TMOD3: variants seen among roughly 807,000 people sequenced by gnomAD.
TMOD3 encodes tropomodulin 3, also known as tropomodulin-3.
A neutral mutation model predicts 39.2 loss-of-function variants in TMOD3; 20 were observed. The observed-to-expected ratio is 0.51, with a 90% CI of 0.36 to 0.74. The LOEUF (loss-of-function observed/expected upper bound fraction) is 0.74, where lower values mean the gene tolerates loss of function less well. Among genes scored for constraint, TMOD3 ranks in the 30% least tolerant of loss-of-function variants. The pLI, the probability that TMOD3 is intolerant of heterozygous loss-of-function variation, is 0.00. For missense variants in TMOD3, 381 were observed against 412.8 expected, an observed-to-expected ratio of 0.92 and a Z score of 0.67; for synonymous variants, 143 against 145.8, an observed-to-expected ratio of 0.98 and a Z score of 0.14.
At chr15:51,882,677 G>A (rs992595021) in intron 3 of TMOD3, among the ~76,000 whole-genome samples, 5 of 152,150 alleles carry the variant, frequency 3.3e-5, no homozygotes, top group African/African-American at 1.2e-4. Context: ...TGATCTAAAT[G>A]TCTTTCTAGT....
At chr15:51,895,377 A>G (rs1287443498) in intron 6 of TMOD3, among the ~76,000 whole-genome samples, 2 of 151,594 alleles carry the variant, frequency 1.3e-5, no homozygotes, top group African/African-American at 4.8e-5. Context: ...CCACCACCAC[A>G]CCTGGCTAAT....
At chr15:51,907,849 A>G (rs1377664640) in intron 9 of TMOD3, among the ~76,000 whole-genome samples, 3 of 152,224 alleles carry the variant, frequency 2.0e-5, no homozygotes, top group African/African-American at 7.2e-5. Flanking sequence ...TCACCAGTCC[A>G]GGAAGAGGCT....
At chr15:51,895,548 G>C (rs543690951) in intron 6 of TMOD3, among the ~76,000 whole-genome samples, 1 of 152,074 alleles carries the variant, frequency 6.6e-6, no homozygotes, top group South Asian at 2.1e-4. Flanking sequence ...TTTGGTCCCT[G>C]TGTATCCCTT....
At chr15:51,887,854 T>G in intron 4 of TMOD3, 143 bp downstream of exon 4, 1 of 1,009,894 alleles carries the variant, frequency 9.9e-7, no homozygotes, top group Non-Finnish European at 1.4e-6. Context: ...CTTTATATTT[T>G]ACACGGTAAA....
At position 51,872,099 on chromosome 15, in the gene TMOD3, C is replaced by T. The variant is rs890587807; in HGVS notation, c.283+2726C>T. Reference sequence around the variant, plus strand: ...CACCATGTAATTACCATTCAGGTAACGATAACATCAGCAGCCGGACGCGGT... The same window carrying T: ...CACCATGTAATTACCATTCAGGTAATGATAACATCAGCAGCCGGACGCGGT... On this transcript the variant is annotated intron_variant, in intron 3 of 9. Coordinates refer to ENST00000308580, the MANE Select transcript of TMOD3 (RefSeq NM_014547.5). Among the ~76,000 whole-genome samples, 4 of 152,084 alleles carry T rather than the reference C, an allele frequency of 2.6e-5. No individual in the cohort carries two copies. The South Asian group carries it at 8.3e-4, about 32-fold the overall frequency.
intron 9 of TMOD3, chr15:51,907,223 A>G (rs2056686430): frequency 6.6e-6 from 1 of 152,172 alleles, no homozygotes; most frequent in African/African-American, 2.4e-5. Context: ...CAGCACATAC[A>G]CTAAAATTGG....
At chr15:51,830,033 G>A (rs1181136769) in intron 1 of TMOD3, among the ~76,000 whole-genome samples, 197 bp downstream of exon 1, 2 of 152,136 alleles carry the variant, frequency 1.3e-5, no homozygotes, top group Non-Finnish European at 2.9e-5. Flanking sequence ...GGGGGACGTG[G>A]GGCGCGCTGG....
rs773115910 is a variant in TMOD3, at chr15:51,900,266, G to A, written c.847G>A (p.Glu283Lys). 3.7e-6 allele frequency: 6 copies of A among 1,614,176 alleles called. No homozygotes were observed. The South Asian group carries it at 5.5e-5, about 15-fold the overall frequency. Residue 283 changes from glutamate to lysine, a missense_variant, in exon 8 of 10, where the codon GAA becomes AAA. Transcript: ENST00000308580. ...LALIDALRDN[E>K]TLAELKIDNQ... ...ACTGATTGATGCGTTAAGAGATAAT[G>A]AAACCCTGGCAGAGCTCAAGATTGA... is the stretch of plus-strand genomic sequence containing the variant.
chr15:51,834,052 A>G (rs1172581900), intron 1 of TMOD3, among the ~76,000 whole-genome samples: 4 of 152,154 alleles, frequency 2.6e-5, no homozygotes, highest in African/African-American at 9.7e-5. Flanking sequence ...TGAGTGCTTT[A>G]TCATATGTTA....
intron 3 of TMOD3, among the ~76,000 whole-genome samples, chr15:51,870,209 G>A (rs547637426): frequency 2.6e-5 from 4 of 152,236 alleles, no homozygotes; most frequent in Admixed American, 6.5e-5. Flanking sequence ...AAAGTGCTGG[G>A]ATTACAGGCA....
chr15:51,893,835 A>G lies in TMOD3; in HGVS notation c.517A>G (p.Ile173Val). 3 of 1,606,304 alleles carry G rather than the reference A, an allele frequency of 1.9e-6. No individual in the cohort carries two copies. Among genetic ancestry groups the G allele is most frequent in the Non-Finnish European group, 2.6e-6 (3 of 1,175,172 alleles). ...TGCAGATGTGGTCAAAGGTGAAAAG[A>G]TTCTTCCGGTATTTGATGAGCCACC... ...HFSNVVKGEK[I>V]LPVFDEPPNP... The change falls in exon 6 of 10, where the codon ATT becomes GTT. Residue 173 changes from isoleucine to valine, a missense_variant. Physicochemically the swap from Ile to Val is conservative, Grantham distance 29. Coordinates refer to ENST00000308580, the MANE Select transcript of TMOD3 (RefSeq NM_014547.5).
intron 7 of TMOD3, 138 bp from the exon 8 acceptor site, chr15:51,900,017 T>C: frequency 2.4e-6 from 2 of 830,216 alleles, no homozygotes; most frequent in Non-Finnish European, 3.7e-6. Flanking sequence ...ATGTGAGAGC[T>C]ATGGGCTACT....
At position 51,896,363 on chromosome 15, in the gene TMOD3, A is replaced by G; in HGVS notation, c.628-56A>G. On this transcript the variant is annotated intron_variant, in intron 6 of 9. Transcript: ENST00000308580. The stretch of plus-strand genomic sequence containing the variant: ...AAAAACCATATATTTGATTAATGGA[A>G]ACTAAATATAATGAAAATTGAAATG... The G allele has an allele frequency of 2.4e-6, 3 of 1,272,198 alleles. No individual in the cohort carries two copies. In the South Asian group the frequency reaches 4.0e-5, roughly 17 times the overall value. 78.8% of individuals were successfully genotyped at this position (1,272,198 alleles called of 1,614,324 possible). A position where few individuals can be genotyped will look rare whatever the true frequency, so the allele number is the denominator to read the frequency against.
At chr15:51,900,775 A>G (rs914132440) in intron 8 of TMOD3, among the ~76,000 whole-genome samples, 2 of 152,220 alleles carry the variant, frequency 1.3e-5, no homozygotes, top group African/African-American at 4.8e-5. Context: ...TTTGTAAACT[A>G]TGAAGGTGGA....
chr15:51,864,995 CT>C (rs2056438157), intron 2 of TMOD3, among the ~76,000 whole-genome samples: 1 of 151,714 alleles, frequency 6.6e-6, no homozygotes, highest in African/African-American at 2.4e-5. Context: ...AAAAACATGA[CT>C]TTTTTTTAGA....
chr15:51,903,537 C>T (rs542073084), intron 9 of TMOD3, among the ~76,000 whole-genome samples: 2 of 152,354 alleles, frequency 1.3e-5, no homozygotes, highest in African/African-American at 4.8e-5. Flanking sequence ...AGCTCAAACT[C>T]TTTCTGTCCT....
chr15:51,904,021 C>A (rs1333276039), intron 9 of TMOD3, among the ~76,000 whole-genome samples: 1 of 152,114 alleles, frequency 6.6e-6, no homozygotes, highest in Non-Finnish European at 1.5e-5. Flanking sequence ...AACTAACTTG[C>A]CAAAAAACAC....
chr15:51,894,243 C>G (rs1052745808), intron 6 of TMOD3, among the ~76,000 whole-genome samples: 2 of 152,016 alleles, frequency 1.3e-5, no homozygotes, highest in African/African-American at 4.8e-5. Flanking sequence ...CCTCTTGGGT[C>G]TTGCTTTTTT....
chr15:51,890,457 A>G (rs2056586913), intron 5 of TMOD3, among the ~76,000 whole-genome samples: 1 of 151,624 alleles, frequency 6.6e-6, no homozygotes, highest in Non-Finnish European at 1.5e-5. Context: ...GATTACAGGC[A>G]TGAGCCACTG....
Sources: gnomAD v4.1 joint callset for allele counts (sites outside exome capture counted in the v4.1 genomes callset) on GRCh38, gnomAD v4.1.1 for gene constraint, MANE v1.5 for transcripts, NCBI Gene and HGNC (gene_info 2026-07-23, HGNC 2026-07-21) for gene names.